The following RPS6KC1 variants were observed in gnomAD, a reference collection of about 807,000 sequenced individuals.
RPS6KC1 encodes ribosomal protein S6 kinase C1.
RPS6KC1 carries 54 observed loss-of-function variants against 103.8 expected under a neutral mutation model. The observed-to-expected ratio is 0.52, with a 90% CI of 0.42 to 0.65. The LOEUF (loss-of-function observed/expected upper bound fraction) is 0.65, where lower values mean the gene tolerates loss of function less well. Among genes scored for constraint, RPS6KC1 ranks in the 30% least tolerant of loss-of-function variants. RPS6KC1 has a pLI of 0.00. For missense variants in RPS6KC1, 1,151 were observed against 1,253.8 expected (o/e 0.92, Z 1.24); for synonymous variants, 439 against 438.7 (o/e 1.00, Z -0.01).
At chr1:213,477,358 T>A in the RPS6KC1 span, among the ~76,000 whole-genome samples, 1 of 151,770 alleles carries the variant, frequency 6.6e-6, no homozygotes, top group East Asian at 1.9e-4. Context: ...TTATTTTTTT[T>A]TTTTATCTAT....
the RPS6KC1 span, among the ~76,000 whole-genome samples, chr1:213,514,479 T>A: frequency 6.7e-6 from 1 of 148,258 alleles, no homozygotes; most frequent in Non-Finnish European, 1.5e-5. Context: ...GAACATGTGG[T>A]GTTTGTTTTT....
At chr1:213,747,802 T>C in the RPS6KC1 span, among the ~76,000 whole-genome samples, 10 of 152,324 alleles carry the variant, frequency 6.6e-5, no homozygotes, top group South Asian at 2.1e-4. Context: ...ACTCTGCTGG[T>C]GTCATGGAAG....
chr1:213,052,878 G>A lies in RPS6KC1; in HGVS notation c.105+1369G>A, dbSNP rs574574789. On this transcript the variant is annotated intron_variant, in intron 1 of 14. Transcript: ENST00000366960. ...TTAAAGGTTAAATAGATCAGTTTGG[G>A]GCATGGGAGTGGCACGTGATGTATG... Among the ~76,000 whole-genome samples, 10 of 152,276 alleles carry A rather than the reference G, an allele frequency of 6.6e-5. No homozygotes were observed. In the East Asian group the frequency reaches 1.4e-3, roughly 21 times the overall value.
chr1:213,144,958 C>T (rs2087561787), intron 6 of RPS6KC1, among the ~76,000 whole-genome samples: 1 of 151,942 alleles, frequency 6.6e-6, no homozygotes, highest in Non-Finnish European at 1.5e-5. Context: ...GCCTGTAATC[C>T]CACCTACTCA....
the RPS6KC1 span, among the ~76,000 whole-genome samples, chr1:213,833,712 C>A: frequency 2.0e-5 from 3 of 152,282 alleles, no homozygotes; most frequent in Admixed American, 1.3e-4. Context: ...CACACCCTGG[C>A]GCTACTCTGC....
chr1:213,255,364 T>A (rs780827909), intron 12 of RPS6KC1, among the ~76,000 whole-genome samples: 7 of 151,934 alleles, frequency 4.6e-5, no homozygotes, highest in Non-Finnish European at 8.8e-5. Context: ...TTTTTCTACT[T>A]GTTTCTAGAG....
At chr1:213,666,284 T>G in the RPS6KC1 span, among the ~76,000 whole-genome samples, 2 of 152,204 alleles carry the variant, frequency 1.3e-5, no homozygotes. Context: ...GAGATCTGTC[T>G]AGAAACACAA....
At chr1:213,699,094 TA>T in the RPS6KC1 span, among the ~76,000 whole-genome samples, 1 of 152,160 alleles carries the variant, frequency 6.6e-6, no homozygotes, top group African/African-American at 2.4e-5. Context: ...AATAAACAAT[TA>T]AATTATTATT....
At chr1:213,132,356 T>C (rs1200606057) in intron 6 of RPS6KC1, among the ~76,000 whole-genome samples, 2 of 152,238 alleles carry the variant, frequency 1.3e-5, no homozygotes, top group Admixed American at 6.5e-5. Context: ...CATAATGTGA[T>C]CAATTTTTAT....
chr1:213,621,879 G>T, the RPS6KC1 span, among the ~76,000 whole-genome samples: 9,240 of 152,170 alleles, frequency 0.061, 626 homozygotes, highest in East Asian at 0.3. Flanking sequence ...TTTAAGGATG[G>T]TGCAGCAACG....
the RPS6KC1 span, among the ~76,000 whole-genome samples, chr1:213,371,855 G>A: frequency 6.6e-6 from 1 of 152,146 alleles, no homozygotes; most frequent in Non-Finnish European, 1.5e-5. Context: ...ACCTCTCCAG[G>A]CATTTGAACT....
At chr1:213,313,826 A>T in the RPS6KC1 span, among the ~76,000 whole-genome samples, 1 of 152,084 alleles carries the variant, frequency 6.6e-6, no homozygotes, top group Non-Finnish European at 1.5e-5. Context: ...GGTGGCGGGC[A>T]CGTGTAGTCC....
Position 213,054,922 on chromosome 1 carries a change from T to C in RPS6KC1, c.105+3413T>C, listed in dbSNP as rs144207220. Among the ~76,000 whole-genome samples the C allele has an allele frequency of 2.2e-3, 340 of 152,340 alleles. 8 individuals carry two copies. Among genetic ancestry groups the C allele is most frequent in the Non-Finnish European group, 3.5e-4 (24 of 68,036 alleles). On this transcript the variant is annotated intron_variant, in intron 1 of 14. Transcript: ENST00000366960. ...GAACCATCAGCAGTGTTTTCAGTTA[T>C]TTCATCATGCTAAGTTTACAAAATT...
the RPS6KC1 span, among the ~76,000 whole-genome samples, chr1:213,403,118 A>G: frequency 6.6e-6 from 1 of 151,996 alleles, no homozygotes; most frequent in East Asian, 1.9e-4. Flanking sequence ...ACAGAGCAAG[A>G]CTCCGTCTCA....
chr1:213,657,134 A>G, the RPS6KC1 span, among the ~76,000 whole-genome samples: 1 of 152,102 alleles, frequency 6.6e-6, no homozygotes, highest in Non-Finnish European at 1.5e-5. Flanking sequence ...GCAATAAGAG[A>G]CTCCACAATG....
the RPS6KC1 span, among the ~76,000 whole-genome samples, chr1:213,717,850 G>A: frequency 1.1e-3 from 167 of 152,278 alleles, 1 homozygote; most frequent in African/African-American, 3.5e-3. Context: ...TTCTGCCTGG[G>A]TGTGAGCCTC....
chr1:213,198,287 T>C (rs2093028845), intron 8 of RPS6KC1, among the ~76,000 whole-genome samples: 2 of 152,234 alleles, frequency 1.3e-5, no homozygotes. Context: ...CCCCATTTCC[T>C]TCTGGCTAAT....
chr1:213,239,399 G>GGT (rs1318214567), intron 10 of RPS6KC1, among the ~76,000 whole-genome samples: 4 of 151,986 alleles, frequency 2.6e-5, no homozygotes, highest in African/African-American at 7.2e-5. Flanking sequence ...GCTACAAAGA[G>GGT]GTGTATGAGA....
intron 1 of RPS6KC1, among the ~76,000 whole-genome samples, chr1:213,067,288 A>G (rs2078418547): frequency 6.6e-6 from 1 of 152,174 alleles, no homozygotes; most frequent in Non-Finnish European, 1.5e-5. Context: ...CCTGTCTCAG[A>G]TATTCGGGGT....
Sources: gnomAD v4.1 joint callset for allele counts (sites outside exome capture counted in the v4.1 genomes callset) on GRCh38, gnomAD v4.1.1 for gene constraint, MANE v1.5 for transcripts, NCBI Gene and HGNC (gene_info 2026-07-23, HGNC 2026-07-21) for gene names.